The following LRP2 variants were observed in gnomAD, a reference collection of about 807,000 sequenced individuals.
LRP2 encodes the protein low-density lipoprotein receptor-related protein 2.
A neutral mutation model predicts 531.0 loss-of-function variants in LRP2; 172 were observed. That is an observed-to-expected ratio of 0.32 (90% CI 0.29 to 0.37). The LOEUF is 0.37. Ranked by LOEUF, LRP2 falls within the 10% of genes least tolerant of loss-of-function variation. The probability of loss-of-function intolerance (pLI) is 1.00; values close to 1 mark genes in which losing one functional copy is unlikely to be tolerated. For missense variants in LRP2, 5,167 were observed against 5,868.3 expected, an observed-to-expected ratio of 0.88 and a Z score of 3.90; for synonymous variants, 1,992 against 2,027.6, an observed-to-expected ratio of 0.98 and a Z score of 0.47.
chr2:169,214,215 G>A (rs1688699928), intron 35 of LRP2, among the ~76,000 whole-genome samples: 1 of 152,130 alleles, frequency 6.6e-6, no homozygotes, highest in African/African-American at 2.4e-5. Flanking sequence ...CCATTGCACA[G>A]GAGCTGACTC....
At chr2:169,308,850 G>C (rs1411314263) in intron 3 of LRP2, among the ~76,000 whole-genome samples, 3 of 152,136 alleles carry the variant, frequency 2.0e-5, no homozygotes, top group Admixed American at 6.5e-5. Context: ...CAGTGTAAAA[G>C]TGTTCCTATT....
chr2:169,128,424 T>C lies in LRP2; in HGVS notation c.*239A>G, dbSNP rs1007163011. 7.6e-5 allele frequency: 32 copies of C among 418,630 alleles called. No homozygotes were observed. Among genetic ancestry groups the C allele is most frequent in the Non-Finnish European group, 7.8e-5 (18 of 230,214 alleles). 25.9% of individuals were successfully genotyped at this position (418,630 alleles called of 1,614,324 possible). On this transcript the variant is annotated 3_prime_UTR_variant, in exon 79 of 79. Transcript: ENST00000649046. ...AATTTACAAATATACAATATATTTA[T>C]AGTATTACCTTCAGACAACTTCAGT...
At chr2:169,166,347 T>C (rs1686783808) in intron 61 of LRP2, among the ~76,000 whole-genome samples, 1 of 152,192 alleles carries the variant, frequency 6.6e-6, no homozygotes, top group Non-Finnish European at 1.5e-5. Flanking sequence ...ATGAAACATC[T>C]ACTGGGGTGA....
Position 169,202,888 on chromosome 2 carries a change from T to C in LRP2, c.8077A>G (p.Ile2693Val), listed in dbSNP as rs777516611. The C allele has an allele frequency of 3.1e-6, 5 of 1,612,658 alleles. No homozygotes were observed. The highest frequency in any genetic ancestry group is 3.4e-6 in the Non-Finnish European group (4 of 1,179,254). The stretch of plus-strand genomic sequence containing the variant: ...CCACATCGTTCACCATTGTCCACAA[T>C]GCAGTGCTTCCTGTTGTTGGCCAAA... ...WYLANNRKHC[I>V]VDNGERCGAS... The change falls in exon 43 of 79, where the codon ATT (isoleucine) becomes GTT (valine). Residue 2693 changes from isoleucine to valine, a missense_variant. Coordinates refer to ENST00000649046, the MANE Select transcript of LRP2 (RefSeq NM_004525.3).
At chr2:169,149,649 C>T (rs959621645) in intron 68 of LRP2, among the ~76,000 whole-genome samples, 5 of 151,912 alleles carry the variant, frequency 3.3e-5, no homozygotes, top group Non-Finnish European at 5.9e-5. Context: ...CCAGGCTGCC[C>T]AACATGGTGA....
At position 169,362,390 on chromosome 2, in the gene LRP2, C is replaced by A. The variant is rs781681275; in HGVS notation, c.10G>T (p.Gly4Trp). 3.2e-6 allele frequency: 5 copies of A among 1,564,318 alleles called. No homozygotes were observed. Among genetic ancestry groups the A allele is most frequent in the East Asian group, 2.4e-5 (1 of 41,790 alleles). MDR[G>W]PAAVACTLLL... ...AGCGTGCACGCCACTGCTGCCGGCC[C>A]GCGATCCATCTCCGCGACGGTCCCC... The change falls in exon 1 of 79, where the codon GGG becomes TGG. Residue 4 changes from glycine (G) to tryptophan (W), a missense_variant. Coordinates refer to ENST00000649046, the MANE Select transcript of LRP2 (RefSeq NM_004525.3).
intron 33 of LRP2, among the ~76,000 whole-genome samples, chr2:169,221,765 G>A (rs1235437869): frequency 6.6e-6 from 1 of 151,034 alleles, no homozygotes; most frequent in Admixed American, 6.6e-5. Context: ...CTATTGTCTG[G>A]TATCTTTCAC....
At chr2:169,289,250 T>C (rs774395836) in intron 8 of LRP2, 105 bp from the exon 9 acceptor site, 1 of 1,421,400 alleles carries the variant, frequency 7.0e-7, no homozygotes, top group African/African-American at 1.4e-5. Context: ...AAGCATGAAG[T>C]AGATGTACAG....
At position 169,247,511 on chromosome 2, in the gene LRP2, A is replaced by G. The variant is rs768714106; in HGVS notation, c.2775T>C (p.His925=). 9 of 1,614,154 alleles carry G rather than the reference A, an allele frequency of 5.6e-6. No individual in the cohort carries two copies. Among genetic ancestry groups the G allele is most frequent in the Non-Finnish European group, 7.6e-6 (9 of 1,180,016 alleles). ...HPFGLAIFGE[H]LFFTDWRLGA... ...CCAGTCTCCAGTCAGTAAAAAATAA[A>G]TGCTCTGAAAAGAAACATGGGTAGA... is the stretch of plus-strand genomic sequence containing the variant. The change falls in exon 20 of 79, where the codon CAT becomes CAC. Residue 925 remains histidine (H), a synonymous_variant. Transcript: ENST00000649046.
At chr2:169,230,432 C>T (rs533355358) in intron 31 of LRP2, among the ~76,000 whole-genome samples, 1 of 152,282 alleles carries the variant, frequency 6.6e-6, no homozygotes, top group East Asian at 1.9e-4. Flanking sequence ...TTCAGTAAGC[C>T]TACATCTGCA....
In LRP2 at chr2:169,209,614, T is replaced by C. The variant is rs1313350268; in HGVS notation, c.6308A>G (p.Asp2103Gly). Residue 2103 changes from aspartate (D) to glycine (G), a missense_variant, in exon 38 of 79, where the codon GAT (aspartate) becomes GGT (glycine). Around this residue, in one of 6 missense-constraint regions of LRP2, gnomAD observed 2,811 missense variants for 3,058.0 expected, o/e 0.92. Coordinates refer to ENST00000649046, the MANE Select transcript of LRP2 (RefSeq NM_004525.3). Reference protein sequence around the residue: ...QGRNALHVDVDVSSGFIYWCD... With the variant: ...QGRNALHVDVGVSSGFIYWCD... ...CCAATAAATAAAGCCAGAGGACACA[T>C]CCACATCCACATGCAGTGCGTTTCG... 15 of 1,614,010 alleles carry C rather than the reference T, an allele frequency of 9.3e-6. No homozygotes were observed. The highest frequency in any genetic ancestry group is 1.3e-5 in the Non-Finnish European group (15 of 1,179,968).
At chr2:169,317,697 T>C (rs1462176933) in intron 3 of LRP2, among the ~76,000 whole-genome samples, 2 of 152,158 alleles carry the variant, frequency 1.3e-5, no homozygotes, top group East Asian at 3.8e-4. Flanking sequence ...ATATCCTTAA[T>C]AGAGAAAGGA....
At chr2:169,137,719 A>G (rs1685570510) in intron 75 of LRP2, among the ~76,000 whole-genome samples, 2 of 152,044 alleles carry the variant, frequency 1.3e-5, no homozygotes, top group Admixed American at 6.6e-5. Flanking sequence ...GCAAAGTAAC[A>G]TAACATGCAC....
chr2:169,273,550 TG>T (rs1683478023), intron 14 of LRP2, among the ~76,000 whole-genome samples: 1 of 152,146 alleles, frequency 6.6e-6, no homozygotes, highest in African/African-American at 2.4e-5. Context: ...TTAAATAACT[TG>T]CCCAACATTA....
intron 1 of LRP2, among the ~76,000 whole-genome samples, chr2:169,329,408 C>T (rs565344972): frequency 6.6e-6 from 1 of 152,232 alleles, no homozygotes; most frequent in East Asian, 1.9e-4. Flanking sequence ...TTGACAGAAG[C>T]TTAGCATGGG....
chr2:169,312,310 G>C (rs4638759), intron 3 of LRP2, among the ~76,000 whole-genome samples: 50,344 of 151,444 alleles, frequency 0.33, 8,954 homozygotes, highest in African/African-American at 0.47. Context: ...ATGGTCTTTA[G>C]AATTTGGCAT....
At chr2:169,243,310 C>A (rs779391362) in intron 23 of LRP2, 93 bp downstream of exon 23, 53 of 1,459,712 alleles carry the variant, frequency 3.6e-5, no homozygotes, top group Middle Eastern at 1.8e-4. Flanking sequence ...CAACAGGCCC[C>A]GGTGTGTGAT....
At chr2:169,162,849 G>A (rs977701167) in intron 62 of LRP2, among the ~76,000 whole-genome samples, 2 of 152,230 alleles carry the variant, frequency 1.3e-5, no homozygotes, top group African/African-American at 2.4e-5. Flanking sequence ...CTCCTGTGCT[G>A]CTGCAGCAAC....
rs1223784810 is a variant in LRP2, at chr2:169,173,958, C to G, written c.10975G>C (p.Asp3659His). The G allele has an allele frequency of 6.2e-7, 1 of 1,614,226 alleles. No homozygotes were observed. The highest frequency in any genetic ancestry group is 1.7e-5 in the Admixed American group (1 of 60,032). The change falls in exon 56 of 79, where the codon GAT becomes CAT. Residue 3659 changes from aspartate (D) to histidine (H), a missense_variant. By Grantham distance (81) the Asp-to-His change is moderately conservative (BLOSUM62 -1). Transcript: ENST00000649046. ...PQAWKCDVDNDCGDHSDEPIE... is the reference protein window; with the variant it reads ...PQAWKCDVDNHCGDHSDEPIE... ...GGCTCATCCGAGTGGTCTCCACAAT[C>G]ATTATCCACATCACACTTCCAGGCC...
Sources: gnomAD v4.1 joint callset for allele counts (sites outside exome capture counted in the v4.1 genomes callset) on GRCh38, gnomAD v4.1.1 for gene constraint, gnomAD v4.1.1 regional missense constraint, MANE v1.5 for transcripts, NCBI Gene and HGNC (gene_info 2026-07-23, HGNC 2026-07-21) for gene names.